SERPINE2: variants seen among roughly 807,000 people sequenced by gnomAD.
The protein encoded by SERPINE2 is serpin family E member 2, also known as glia-derived nexin.
Under a neutral mutation model 36.3 loss-of-function variants are expected in SERPINE2, and 14 were observed. That is an observed-to-expected ratio of 0.39 (90% confidence interval 0.25 to 0.60). The LOEUF (loss-of-function observed/expected upper bound fraction) is 0.60, where lower values mean the gene tolerates loss of function less well. Ranked by LOEUF, SERPINE2 falls within the 20% of genes least tolerant of loss-of-function variation. The pLI is 0.57. For synonymous variants in SERPINE2, 192 were observed against 191.8 expected, an observed-to-expected ratio of 1.00 and a Z score of -0.01; for missense variants, 418 against 499.6, an observed-to-expected ratio of 0.84 and a Z score of 1.56.
chr2:224,007,709 G>A (rs1691474954), intron 1 of SERPINE2, among the ~76,000 whole-genome samples: 1 of 152,070 alleles, frequency 6.6e-6, no homozygotes, highest in South Asian at 2.1e-4. Context: ...TACACCTCTT[G>A]CCTTTGTTTT....
chr2:224,036,032 T>C (rs1692521786), intron 1 of SERPINE2, among the ~76,000 whole-genome samples: 1 of 151,930 alleles, frequency 6.6e-6, no homozygotes, highest in Non-Finnish European at 1.5e-5. Context: ...ATGAAGCGGA[T>C]ATGGGGTGGG....
chr2:224,030,191 G>A (rs1029479987), intron 1 of SERPINE2: 22 of 985,250 alleles, frequency 2.2e-5, no homozygotes, highest in Non-Finnish European at 2.4e-5. Flanking sequence ...CATGGCCAAC[G>A]CACAAGAGCC....
chr2:224,002,327 T>C (rs1431261303), intron 1 of SERPINE2, among the ~76,000 whole-genome samples: 1 of 152,060 alleles, frequency 6.6e-6, no homozygotes, highest in Non-Finnish European at 1.5e-5. Context: ...CTCAGCATAA[T>C]TGAATGCCAT....
chr2:224,026,991 CA>C (rs1227635240), intron 1 of SERPINE2, among the ~76,000 whole-genome samples: 1 of 152,076 alleles, frequency 6.6e-6, no homozygotes, highest in Non-Finnish European at 1.5e-5. Context: ...AAGTTTCGGG[CA>C]AAAAGGATTT....
Position 224,014,608 on chromosome 2 carries a change from C to A in SERPINE2, c.-22-12686G>T, listed in dbSNP as rs544086343. Among the ~76,000 whole-genome samples the A allele has an allele frequency of 2.6e-5, 4 of 152,254 alleles. No individual in the cohort carries two copies. In the East Asian group the frequency reaches 7.7e-4, roughly 29 times the overall value. ...GCAGGCTTTCTTTATCTCGGCACTA[C>A]TGACATAACTCTTCAGTGTGGGGGC... On this transcript the variant is annotated intron_variant, in intron 1 of 8. Coordinates refer to ENST00000409304, the MANE Select transcript of SERPINE2 (RefSeq NM_001136528.2).
intron 1 of SERPINE2, among the ~76,000 whole-genome samples, chr2:224,012,674 T>C (rs1468510680): frequency 6.6e-6 from 1 of 152,126 alleles, no homozygotes; most frequent in African/African-American, 2.4e-5. Context: ...ATCTATATAG[T>C]TATTTCTGAT....
At position 224,001,675 on chromosome 2, in the gene SERPINE2, G is replaced by A; in HGVS notation, c.226C>T (p.Gln76Ter). 6.2e-7 allele frequency: 1 copy of A among 1,614,090 alleles called. No individual in the cohort carries two copies. Among genetic ancestry groups the A allele is most frequent in the Non-Finnish European group, 8.5e-7 (1 of 1,180,042 alleles). ...QLGADGRTKK[Q>*]LAMVMRYGVN... Reference sequence around the variant, plus strand: ...CCGTATCTCATCACCATGGCGAGCTGCTTCTTGGTCCTGCCGTCCGCCCCC... The same window carrying A: ...CCGTATCTCATCACCATGGCGAGCTACTTCTTGGTCCTGCCGTCCGCCCCC... Residue 76 changes from glutamine (Q) to a stop codon, truncating the protein, a stop_gained, in exon 2 of 9, where the codon CAG (glutamine) becomes TAG (stop). Coordinates refer to ENST00000409304, the MANE Select transcript of SERPINE2 (RefSeq NM_001136528.2). LOFTEE classifies it high-confidence loss of function.
intron 7 of SERPINE2, 118 bp from the exon 8 acceptor site, chr2:223,977,745 T>C (rs1399769650): frequency 2.8e-6 from 2 of 708,428 alleles, no homozygotes; most frequent in East Asian, 5.4e-5. Flanking sequence ...ACACACTTCA[T>C]GCTTGTTCCA....
chr2:224,014,514 G>A (rs1242392761), intron 1 of SERPINE2, among the ~76,000 whole-genome samples: 3 of 152,248 alleles, frequency 2.0e-5, no homozygotes, highest in Non-Finnish European at 4.4e-5. Flanking sequence ...AAGTCAGAGG[G>A]AAAGTCAGAG....
intron 2 of SERPINE2, 82 bp downstream of exon 2, chr2:224,001,560 T>C (rs1691160096): frequency 6.7e-7 from 1 of 1,501,154 alleles, no homozygotes; most frequent in South Asian, 1.3e-5. Flanking sequence ...CTTGGGGTTG[T>C]CAGCAAAAAC....
rs559334101 is a variant in SERPINE2 at position 224,018,566 on chromosome 2, C to T, written c.-22-16644G>A. Among the ~76,000 whole-genome samples, 5 of 149,274 alleles carry T rather than the reference C, an allele frequency of 3.3e-5. No homozygotes were observed. In the East Asian group the frequency reaches 7.8e-4, roughly 23 times the overall value. On this transcript the variant is annotated intron_variant, in intron 1 of 8. Transcript: ENST00000409304. ...GAGAAAAACCCTCCATTTTTGCAAG[C>T]AGACTCTAAAACACAGTACTTCTCA... is the stretch of plus-strand genomic sequence containing the variant.
intron 1 of SERPINE2, among the ~76,000 whole-genome samples, chr2:224,037,011 T>A (rs895621066): frequency 3.9e-5 from 6 of 152,212 alleles, no homozygotes; most frequent in Non-Finnish European, 7.3e-5. Context: ...AACTTGATTT[T>A]TCTTTATAAT....
rs1182367067 is a variant in SERPINE2 at position 223,975,177 on chromosome 2, TTA to T, written c.*688_*689del. ...CTTTATTTTTACTACTCATAACAGT[TTA>T]TTTTTACTTTGTACAAAATACAAAA... On this transcript the variant is annotated 3_prime_UTR_variant, in exon 9 of 9. Transcript: ENST00000409304. The T allele has an allele frequency of 2.6e-5, 4 of 152,614 alleles. No homozygotes were observed. Among genetic ancestry groups the T allele is most frequent in the African/African-American group, 9.6e-5 (4 of 41,462 alleles). The allele number at this position is 152,614 out of a possible 1,614,324, so 9.5% of individuals were successfully genotyped here. A position where few individuals can be genotyped will look rare whatever the true frequency, so the allele number is the denominator to read the frequency against.
At chr2:224,005,087 A>G (rs1691369392) in intron 1 of SERPINE2, among the ~76,000 whole-genome samples, 1 of 110,436 alleles carries the variant, frequency 9.1e-6, no homozygotes, top group Non-Finnish European at 1.9e-5. Flanking sequence ...ATATATATAT[A>G]TATATATATA....
At chr2:224,033,637 G>T (rs547817716) in intron 1 of SERPINE2, among the ~76,000 whole-genome samples, 1 of 141,822 alleles carries the variant, frequency 7.1e-6, no homozygotes, top group African/African-American at 2.6e-5. Flanking sequence ...TGTGACTGAC[G>T]ATACCAGCCA....
intron 7 of SERPINE2, chr2:223,980,045 C>T (rs770992077): frequency 9.4e-6 from 3 of 320,126 alleles, no homozygotes; most frequent in Non-Finnish European, 1.7e-5. Context: ...GAAATACATA[C>T]TACCTGGCTC....
chr2:224,033,533 T>A (rs1169749267), intron 1 of SERPINE2, among the ~76,000 whole-genome samples: 1 of 152,048 alleles, frequency 6.6e-6, no homozygotes, highest in Non-Finnish European at 1.5e-5. Context: ...ATATACCCAT[T>A]ATACAGACAA....
intron 2 of SERPINE2, among the ~76,000 whole-genome samples, chr2:224,000,371 C>G (rs1691066992): frequency 6.6e-6 from 1 of 152,302 alleles, no homozygotes; most frequent in East Asian, 1.9e-4. Flanking sequence ...GACCCCTCAG[C>G]TGAAGTAAAA....
At chr2:224,010,294 A>G in intron 1 of SERPINE2, 1 of 944,300 alleles carries the variant, frequency 1.1e-6, no homozygotes, top group Non-Finnish European at 1.3e-6. Flanking sequence ...TCATTCTATG[A>G]CACTAATTAA....
Sources: gnomAD v4.1 joint callset for allele counts (sites outside exome capture counted in the v4.1 genomes callset) on GRCh38, gnomAD v4.1.1 for gene constraint, MANE v1.5 for transcripts, NCBI Gene and HGNC (gene_info 2026-07-23, HGNC 2026-07-21) for gene names.